The following CD8A variants were observed in gnomAD, a reference collection of about 807,000 sequenced individuals.
CD8A encodes CD8 subunit alpha, also known as T-cell surface glycoprotein CD8 alpha chain.
A neutral mutation model predicts 24.2 loss-of-function variants in CD8A; 25 were observed. The observed-to-expected ratio is 1.03, with a 90% CI of 0.75 to 1.44. The LOEUF (loss-of-function observed/expected upper bound fraction) is 1.44, where lower values mean the gene tolerates loss of function less well. Ranked by LOEUF, CD8A falls within the 40% of genes most tolerant of loss-of-function variation. The probability of loss-of-function intolerance (pLI) is 0.00; values close to 1 mark genes in which losing one functional copy is unlikely to be tolerated. For synonymous variants in CD8A, 165 were observed against 149.9 expected (o/e 1.10, Z -0.74); for missense variants, 360 against 319.7 (o/e 1.13, Z -0.96).
At chr2:86,806,795 G>C (rs1255014913) in intron 2 of CD8A, among the ~76,000 whole-genome samples, 1 of 152,194 alleles carries the variant, frequency 6.6e-6, no homozygotes, top group East Asian at 1.9e-4. Flanking sequence ...GCAAAACATG[G>C]GAGTGAAAAG....
At chr2:86,790,975 C>A, upstream of CD8A, 1 of 812,646 alleles carries the variant, frequency 1.2e-6, no homozygotes, top group East Asian at 2.7e-5. Flanking sequence ...CACCCGAAGC[C>A]CCCGCCGAGG....
chr2:86,798,184 T>G (rs1355893876), intron 3 of CD8A, among the ~76,000 whole-genome samples: 1 of 152,088 alleles, frequency 6.6e-6, no homozygotes, highest in African/African-American at 2.4e-5. Flanking sequence ...CTTTCTTTTT[T>G]TTTTTTTTGA....
intron 3 of CD8A, among the ~76,000 whole-genome samples, chr2:86,796,994 C>G (rs1673504705): frequency 6.6e-6 from 1 of 152,192 alleles, no homozygotes; most frequent in Non-Finnish European, 1.5e-5. Flanking sequence ...TCTCCTATCT[C>G]CTTGGCTGCA....
Position 86,784,893 on chromosome 2 carries a change from C to T in CD8A, c.*1027G>A. ...TGCATGTTTGGGACAGCAGTTTGGGCTCTCAGCCTCCTTAAGAGAGTCAGG... is the reference window on the plus strand; with the variant it reads ...TGCATGTTTGGGACAGCAGTTTGGGTTCTCAGCCTCCTTAAGAGAGTCAGG... On this transcript the variant is annotated 3_prime_UTR_variant, in exon 6 of 6. Transcript: ENST00000283635. 1 of 454,078 alleles carries T rather than the reference C, an allele frequency of 2.2e-6. No individual in the cohort carries two copies. The highest frequency in any genetic ancestry group is 2.3e-5 in the Admixed American group (1 of 42,574). The allele number at this position is 454,078 out of a possible 1,614,324, so 28.1% of individuals were successfully genotyped here.
At chr2:86,787,488 G>A (rs544358993) in intron 5 of CD8A, among the ~76,000 whole-genome samples, 1 of 152,170 alleles carries the variant, frequency 6.6e-6, no homozygotes, top group African/African-American at 2.4e-5. Flanking sequence ...CATGGGGAAG[G>A]TGTCTGAGCT....
chr2:86,790,560 G>T lies in CD8A; in HGVS notation c.171C>A (p.Leu57=). 1 of 1,613,346 alleles carries T rather than the reference G, an allele frequency of 6.2e-7. No individual in the cohort carries two copies. Among genetic ancestry groups the T allele is most frequent in the Non-Finnish European group, 8.5e-7 (1 of 1,179,976 alleles). Residue 57 remains leucine (L), a synonymous_variant, in exon 2 of 6, where the codon CTC becomes CTA. Transcript: ENST00000283635. ...TGGCGGCGGCGCCGCGCGGCTGGAA[G>T]AGCCACGAGCAGCCCGACGTCGGGT... ...LSNPTSGCSW[L]FQPRGAAASP...
rs1378256622 is a variant in CD8A, at chr2:86,785,369, A to G, written c.*551T>C. 3 of 454,140 alleles carry G rather than the reference A, an allele frequency of 6.6e-6. No individual in the cohort carries two copies. Among genetic ancestry groups the G allele is most frequent in the Non-Finnish European group, 1.3e-5 (3 of 226,918 alleles). 28.1% of individuals were successfully genotyped at this position (454,140 alleles called of 1,614,324 possible). A position where few individuals can be genotyped will look rare whatever the true frequency, so the allele number is the denominator to read the frequency against. On this transcript the variant is annotated 3_prime_UTR_variant, in exon 6 of 6. Transcript: ENST00000283635. Reference sequence around the variant, plus strand: ...ATTACCTCCTCGAGGCTCTGGGCACAGTATCCCAGGTATCAAGAAGTACTT... The same window carrying G: ...ATTACCTCCTCGAGGCTCTGGGCACGGTATCCCAGGTATCAAGAAGTACTT...
upstream of CD8A, among the ~76,000 whole-genome samples, chr2:86,792,848 C>T (rs1347586608): frequency 1.3e-5 from 2 of 150,910 alleles, no homozygotes; most frequent in African/African-American, 4.9e-5. Context: ...GTACCTCCTT[C>T]CAGCTCCCTC....
chr2:86,787,856 C>T (rs745318290), intron 5 of CD8A, among the ~76,000 whole-genome samples: 9 of 149,424 alleles, frequency 6.0e-5, no homozygotes, highest in Non-Finnish European at 1.2e-4. Flanking sequence ...CCTCAGCCAA[C>T]GGGTGGAGAG....
In CD8A at chr2:86,789,627, C is replaced by T. The variant is rs1359204756; in HGVS notation, c.514+13G>A. On this transcript the variant is annotated intron_variant, in intron 3 of 5. Transcript: ENST00000283635. ...TGCGTGCCGCCCCCGCCCCGGGCCC[C>T]CGCACGCCTCACCTGCGCCCCCCGC... 1 of 1,493,050 alleles carries T rather than the reference C, an allele frequency of 6.7e-7. No homozygotes were observed. Among genetic ancestry groups the T allele is most frequent in the Non-Finnish European group, 8.9e-7 (1 of 1,120,744 alleles). The allele number at this position is 1,493,050 out of a possible 1,614,324, so 92.5% of individuals were successfully genotyped here. A position where few individuals can be genotyped will look rare whatever the true frequency, so the allele number is the denominator to read the frequency against.
intron 3 of CD8A, 40 bp from the exon 4 acceptor site, chr2:86,789,473 G>A (rs545835392): frequency 2.0e-6 from 3 of 1,509,950 alleles, no homozygotes; most frequent in African/African-American, 2.7e-5. Flanking sequence ...GAGAGGGCCC[G>A]GGACCTCCCA....
chr2:86,793,611 C>T (rs1020192313), upstream of CD8A, among the ~76,000 whole-genome samples: 2 of 152,196 alleles, frequency 1.3e-5, no homozygotes, highest in Admixed American at 6.5e-5. Flanking sequence ...TGTCAAATGG[C>T]CCTGCTGGCC....
chr2:86,803,079 A>G (rs1451727427), intron 2 of CD8A, among the ~76,000 whole-genome samples: 1 of 152,214 alleles, frequency 6.6e-6, no homozygotes, highest in Non-Finnish European at 1.5e-5. Flanking sequence ...AAAAATCAAC[A>G]TTTACTTTGG....
chr2:86,785,115 C>T lies in CD8A; in HGVS notation c.*805G>A, dbSNP rs1227383297. The T allele has an allele frequency of 2.2e-6, 1 of 453,908 alleles. No individual in the cohort carries two copies. Among genetic ancestry groups the T allele is most frequent in the African/African-American group, 2.0e-5 (1 of 49,952 alleles). 28.1% of individuals were successfully genotyped at this position (453,908 alleles called of 1,614,324 possible). On this transcript the variant is annotated 3_prime_UTR_variant, in exon 6 of 6. Coordinates refer to ENST00000283635, the MANE Select transcript of CD8A (RefSeq NM_001768.7). ...TCTATTTGTAAAGGGGTAGCCTGTCCTCTTTCATGGGCCCCTCTGCAATGC... is the reference window on the plus strand; with the variant it reads ...TCTATTTGTAAAGGGGTAGCCTGTCTTCTTTCATGGGCCCCTCTGCAATGC...
chr2:86,789,551 T>C, intron 3 of CD8A, 89 bp downstream of exon 3: 2 of 1,309,866 alleles, frequency 1.5e-6, no homozygotes, highest in East Asian at 2.4e-5. Flanking sequence ...GGACAGCCCT[T>C]GACTCTACCT....
At chr2:86,801,324 TTCTC>T (rs1442619403) in intron 3 of CD8A, among the ~76,000 whole-genome samples, 5 of 150,584 alleles carry the variant, frequency 3.3e-5, no homozygotes, top group Non-Finnish European at 5.9e-5. Flanking sequence ...CCCGCTCTCT[TTCTC>T]TCTCTCTTTT....
chr2:86,801,569 C>G (rs1673675482), exon 3 of CD8A: 1 of 151,992 alleles, frequency 6.6e-6, no homozygotes, highest in South Asian at 2.1e-4. Context: ...GTCTTGAACT[C>G]CTGGACTCAA....
upstream of CD8A, chr2:86,791,664 T>A: frequency 2.2e-6 from 1 of 454,178 alleles, no homozygotes; most frequent in Non-Finnish European, 4.4e-6. Flanking sequence ...ATGGCCTGCA[T>A]TGCTGGATGG....
At chr2:86,803,945 G>C (rs1476819382) in intron 2 of CD8A, among the ~76,000 whole-genome samples, 2 of 152,206 alleles carry the variant, frequency 1.3e-5, no homozygotes, top group Non-Finnish European at 2.9e-5. Context: ...TAGGCCTAAG[G>C]ATACGAAGTA....
Sources: allele counts gnomAD v4.1 joint callset (sites outside exome capture counted in the v4.1 genomes callset), GRCh38; gene constraint gnomAD v4.1.1; transcripts MANE v1.5; gene names NCBI Gene and HGNC (gene_info 2026-07-23, HGNC 2026-07-21).